The following DACH2 variants were observed in gnomAD, a reference collection of about 807,000 sequenced individuals.
The protein encoded by DACH2 is dachshund family transcription factor 2.
In DACH2, 17 loss-of-function variants were observed where a neutral mutation model predicts 35.8. That is an observed-to-expected ratio of 0.48 (90% CI 0.33 to 0.71). The LOEUF (loss-of-function observed/expected upper bound fraction) is 0.71, where lower values mean the gene tolerates loss of function less well. DACH2 is among the 30% of genes least tolerant of loss of function. The pLI is 0.02. For missense variants in DACH2, 469 were observed against 472.7 expected, an observed-to-expected ratio of 0.99 and a Z score of 0.07; for synonymous variants, 195 against 177.3, an observed-to-expected ratio of 1.10 and a Z score of -0.79.
chrX:86,200,238 A>T (rs1161383597), intron 1 of DACH2, among the ~76,000 whole-genome samples: 1 of 110,969 alleles, frequency 9.0e-6, no homozygotes, highest in Non-Finnish European at 1.9e-5. Flanking sequence ...AACTGGCTAG[A>T]AGACTGAAGC....
intron 1 of DACH2, among the ~76,000 whole-genome samples, chrX:86,228,479 A>G (rs2032876300): frequency 9.2e-6 from 1 of 109,124 alleles, no homozygotes; most frequent in South Asian, 3.9e-4. Flanking sequence ...AAGAAAACCC[A>G]GTAGTGGGTT....
At chrX:86,513,529 G>T (rs1359395628) in intron 2 of DACH2, among the ~76,000 whole-genome samples, 2 of 111,963 alleles carry the variant, frequency 1.8e-5, no homozygotes, top group African/African-American at 6.5e-5. Context: ...ATTAGCATTT[G>T]CAATTACAGT....
chrX:86,293,894 T>G (rs1357396982), intron 1 of DACH2, among the ~76,000 whole-genome samples: 2 of 110,936 alleles, frequency 1.8e-5, no homozygotes, highest in African/African-American at 6.6e-5. Flanking sequence ...ATCTGACAAT[T>G]ATGTGTCTTG....
chrX:86,514,276 C>T lies in DACH2; in HGVS notation c.528-3C>T, dbSNP rs755832697. On this transcript the variant is annotated splice_region_variant and splice_polypyrimidine_tract_variant and intron_variant, in intron 2 of 11. Transcript: ENST00000373125. ...TTATCTATATTTGTCTGTTTTTCAA[C>T]AGTTCAAGACCCGGCAGGCCCCCTA... 12 of 1,207,130 alleles carry T rather than the reference C, an allele frequency of 9.9e-6. No individual in the cohort carries two copies. The highest frequency in any genetic ancestry group is 1.3e-5 in the Non-Finnish European group (12 of 892,510).
At chrX:86,369,028 T>C (rs2035847438) in intron 1 of DACH2, among the ~76,000 whole-genome samples, 2 of 111,074 alleles carry the variant, frequency 1.8e-5, no homozygotes, top group South Asian at 7.3e-4. Context: ...ATATTACATA[T>C]GAAAATATAT....
At chrX:86,585,324 T>C (rs1421677190) in intron 3 of DACH2, among the ~76,000 whole-genome samples, 1 of 111,162 alleles carries the variant, frequency 9.0e-6, no homozygotes, top group Non-Finnish European at 1.9e-5. Flanking sequence ...TTATTTTTTG[T>C]GCTTTTAGTA....
chrX:86,747,633 A>G (rs924555511), intron 7 of DACH2, among the ~76,000 whole-genome samples: 2 of 112,331 alleles, frequency 1.8e-5, no homozygotes, highest in Non-Finnish European at 1.9e-5. Flanking sequence ...TTGCTAAAAT[A>G]ATAGTAATGA....
chrX:86,283,025 G>A (rs1459173581), intron 1 of DACH2, among the ~76,000 whole-genome samples: 1 of 35,014 alleles, frequency 2.9e-5, no homozygotes, highest in African/African-American at 2.8e-4. Flanking sequence ...TGATCCGCCC[G>A]CCTCGGCCTC....
At chrX:86,336,655 G>T (rs917771161) in intron 1 of DACH2, among the ~76,000 whole-genome samples, 1 of 111,243 alleles carries the variant, frequency 9.0e-6, no homozygotes, top group Non-Finnish European at 1.9e-5. Context: ...CTAAAAACCA[G>T]AATGCCTCTT....
rs1056189259 is a variant in DACH2, at chrX:86,367,405, A to G, written c.489-9419A>G. ...TGCCCCTTAGCTGAATACCTCTAAC[A>G]GGCAGGCAATAACTTTAAATCAGAG... On this transcript the variant is annotated intron_variant, in intron 1 of 11. Transcript: ENST00000373125. Among the ~76,000 whole-genome samples, 4 of 111,651 alleles carry G rather than the reference A, an allele frequency of 3.6e-5. No individual in the cohort carries two copies. The Admixed American group carries it at 3.8e-4, about 11-fold the overall frequency.
Position 86,177,074 on chromosome X carries a change from G to T in DACH2, c.488+27966G>T, listed in dbSNP as rs567098075. On this transcript the variant is annotated intron_variant, in intron 1 of 11. Transcript: ENST00000373125. ...TACAATGGATAATAATCACATCAGA[G>T]TAAATGGGGTATCCATCACCTCAAG... 6.3e-4 allele frequency among the ~76,000 whole-genome samples: 71 copies of T among 111,896 alleles called. 3 individuals carry two copies. The South Asian group carries it at 0.026, about 41-fold the overall frequency.
chrX:86,743,840 G>C (rs1014432940), intron 7 of DACH2, among the ~76,000 whole-genome samples: 2 of 111,010 alleles, frequency 1.8e-5, no homozygotes, highest in African/African-American at 6.5e-5. Context: ...CCAAACTCTT[G>C]CACAGGTAAT....
At chrX:86,535,925 GTTT>G (rs1472189020) in intron 3 of DACH2, among the ~76,000 whole-genome samples, 1 of 111,342 alleles carries the variant, frequency 9.0e-6, no homozygotes, top group African/African-American at 3.3e-5. Flanking sequence ...TGCAACTTAA[GTTT>G]TATCTACCTT....
intron 7 of DACH2, among the ~76,000 whole-genome samples, chrX:86,775,094 C>T (rs766825606): frequency 3.6e-5 from 4 of 111,698 alleles, no homozygotes; most frequent in Non-Finnish European, 7.5e-5. Flanking sequence ...TGTCACAAAG[C>T]ATTAAAAGAT....
chrX:86,771,714 C>A (rs959802449), intron 7 of DACH2, among the ~76,000 whole-genome samples: 2 of 111,775 alleles, frequency 1.8e-5, no homozygotes, highest in African/African-American at 6.5e-5. Flanking sequence ...TGGAAGGCTG[C>A]ATTTTACATT....
At chrX:86,209,590 C>A (rs1160347328) in intron 1 of DACH2, among the ~76,000 whole-genome samples, 1 of 110,971 alleles carries the variant, frequency 9.0e-6, no homozygotes, top group Admixed American at 9.6e-5. Context: ...TCCTCAGAGT[C>A]CTTCGAAAAC....
intron 11 of DACH2, chrX:86,830,967 T>C (rs892537154): frequency 9.0e-6 from 1 of 111,192 alleles, no homozygotes; most frequent in African/African-American, 3.3e-5. Context: ...CCTGGAAAAG[T>C]TTAAGTGAAT....
intron 2 of DACH2, among the ~76,000 whole-genome samples, chrX:86,428,500 C>T (rs1223618134): frequency 8.9e-6 from 1 of 111,913 alleles, no homozygotes; most frequent in Non-Finnish European, 1.9e-5. Flanking sequence ...TGACTAATTA[C>T]TATTATGATG....
chrX:86,406,473 G>A (rs1489595985), intron 2 of DACH2, among the ~76,000 whole-genome samples: 3 of 111,784 alleles, frequency 2.7e-5, no homozygotes, highest in Non-Finnish European at 5.6e-5. Flanking sequence ...CCAAGCCTCA[G>A]CATCACATCA....
Sources: gnomAD v4.1 joint callset for allele counts (sites outside exome capture counted in the v4.1 genomes callset) on GRCh38, gnomAD v4.1.1 for gene constraint, MANE v1.5 for transcripts, NCBI Gene and HGNC (gene_info 2026-07-23, HGNC 2026-07-21) for gene names.